PRKN: variants seen among roughly 807,000 people sequenced by gnomAD.
PRKN encodes the protein E3 ubiquitin-protein ligase parkin.
Under a neutral mutation model 59.5 loss-of-function variants are expected in PRKN, and 56 were observed. The observed-to-expected ratio is 0.94, with a 90% CI of 0.76 to 1.18. The LOEUF (loss-of-function observed/expected upper bound fraction) is 1.18, where lower values mean the gene tolerates loss of function less well. Among genes scored for constraint, PRKN ranks in the 50% most tolerant of loss-of-function variants. PRKN has a pLI of 0.00. For synonymous variants in PRKN, 250 were observed against 222.1 expected (o/e 1.13, Z -1.12); for missense variants, 657 against 596.4 (o/e 1.10, Z -1.06).
At chr6:162,511,781 G>A (rs749374926) in intron 1 of PRKN, among the ~76,000 whole-genome samples, 20 of 152,092 alleles carry the variant, frequency 1.3e-4, no homozygotes, top group Non-Finnish European at 2.6e-4. Flanking sequence ...CCCATGATAC[G>A]TGATCTACAG....
intron 4 of PRKN, among the ~76,000 whole-genome samples, chr6:162,191,774 C>A (rs1015152915): frequency 2.0e-5 from 3 of 152,106 alleles, no homozygotes; most frequent in Non-Finnish European, 4.4e-5. Context: ...AAGAGACAGG[C>A]ACTGCTGTGT....
chr6:162,385,499 C>T (rs953346064), intron 2 of PRKN, among the ~76,000 whole-genome samples: 1 of 152,210 alleles, frequency 6.6e-6, no homozygotes, highest in East Asian at 1.9e-4. Context: ...TTGATATGTG[C>T]ACTATCCTGA....
chr6:161,536,131 G>T (rs368282590), intron 9 of PRKN, among the ~76,000 whole-genome samples: 15 of 152,130 alleles, frequency 9.9e-5, no homozygotes, highest in Admixed American at 2.0e-4. Context: ...ATTATTAAGA[G>T]AAATAAATGC....
chr6:161,797,304 T>C (rs1790891523), intron 6 of PRKN, among the ~76,000 whole-genome samples: 1 of 152,122 alleles, frequency 6.6e-6, no homozygotes, highest in African/African-American at 2.4e-5. Context: ...CAGGCTGGAG[T>C]GCAGTGGCAC....
chr6:162,212,391 A>G (rs1785241798), intron 3 of PRKN, among the ~76,000 whole-genome samples: 1 of 150,276 alleles, frequency 6.7e-6, no homozygotes, highest in Non-Finnish European at 1.5e-5. Flanking sequence ...AACCCTGTGA[A>G]TGATCAAGTA....
intron 2 of PRKN, among the ~76,000 whole-genome samples, chr6:162,266,770 G>T (rs183586433): frequency 6.6e-6 from 1 of 152,112 alleles, no homozygotes; most frequent in Non-Finnish European, 1.5e-5. Context: ...ATCCCGATCC[G>T]CAATGATACA....
intron 2 of PRKN, among the ~76,000 whole-genome samples, chr6:162,343,118 C>G (rs1784257550): frequency 6.6e-6 from 1 of 152,090 alleles, no homozygotes; most frequent in African/African-American, 2.4e-5. Flanking sequence ...ATAAATATTT[C>G]TCATCAGAAG....
At chr6:161,443,325 A>AG (rs1554261813) in intron 9 of PRKN, among the ~76,000 whole-genome samples, 64 of 150,012 alleles carry the variant, frequency 4.3e-4, no homozygotes, top group African/African-American at 8.4e-4. Flanking sequence ...AAAAAAAAAA[A>AG]AATCAGGGAG....
At chr6:162,578,343 G>A (rs936823086) in intron 1 of PRKN, among the ~76,000 whole-genome samples, 2 of 152,132 alleles carry the variant, frequency 1.3e-5, no homozygotes, top group African/African-American at 4.8e-5. Context: ...AAAAGGTTAT[G>A]TGTGTGCATA....
chr6:161,953,992 T>G (rs1204731732), intron 6 of PRKN, among the ~76,000 whole-genome samples: 1 of 152,118 alleles, frequency 6.6e-6, no homozygotes, highest in Non-Finnish European at 1.5e-5. Context: ...TAAGTCTTGG[T>G]GACTTACGTG....
chr6:161,994,370 C>T (rs1162102172), intron 5 of PRKN, among the ~76,000 whole-genome samples: 1 of 151,960 alleles, frequency 6.6e-6, no homozygotes, highest in East Asian at 1.9e-4. Flanking sequence ...AAGGAACATA[C>T]CTAATGGGGA....
chr6:161,586,493 T>G (rs746250930), intron 7 of PRKN, among the ~76,000 whole-genome samples: 9 of 152,322 alleles, frequency 5.9e-5, no homozygotes, highest in Non-Finnish European at 1.0e-4. Context: ...TGCCAACACC[T>G]TAAGCTCCGT....
At chr6:161,911,318 A>T (rs1320790781) in intron 6 of PRKN, among the ~76,000 whole-genome samples, 1 of 152,148 alleles carries the variant, frequency 6.6e-6, no homozygotes, top group Non-Finnish European at 1.5e-5. Flanking sequence ...GGAATGACTT[A>T]CAGTTCAGCC....
rs139754058 is a variant in PRKN at position 162,507,768 on chromosome 6, C to T, written c.8-64295G>A. Among the ~76,000 whole-genome samples, 525 of 152,280 alleles carry T rather than the reference C, an allele frequency of 3.4e-3. 3 individuals are homozygous for T. Among genetic ancestry groups the T allele is most frequent in the African/African-American group, 0.012 (499 of 41,552 alleles). On this transcript the variant is annotated intron_variant, in intron 1 of 11. Transcript: ENST00000366898. The stretch of plus-strand genomic sequence containing the variant: ...TGTTGGAGTGTGAGCTTCAACAAGA[C>T]GAAGATCACCTCTATCTACTTTATT...
intron 6 of PRKN, among the ~76,000 whole-genome samples, chr6:161,899,398 A>T (rs1444395549): frequency 6.6e-6 from 1 of 152,162 alleles, no homozygotes; most frequent in Non-Finnish European, 1.5e-5. Context: ...CATCACTCTG[A>T]GGGAAGTCTT....
chr6:162,667,777 A>C (rs1447979732), intron 1 of PRKN, among the ~76,000 whole-genome samples: 1 of 152,146 alleles, frequency 6.6e-6, no homozygotes. Flanking sequence ...CTGAGTAAAA[A>C]TAGGCAAATT....
chr6:161,972,186 A>C (rs2128251599), intron 6 of PRKN, among the ~76,000 whole-genome samples: 1 of 151,662 alleles, frequency 6.6e-6, no homozygotes, highest in African/African-American at 2.4e-5. Context: ...AGGCAGGAGA[A>C]TCCCTTGAAC....
intron 2 of PRKN, among the ~76,000 whole-genome samples, chr6:162,407,773 A>C (rs754218456): frequency 3.9e-5 from 6 of 152,170 alleles, no homozygotes; most frequent in Non-Finnish European, 7.4e-5. Context: ...AAAATTACTC[A>C]AAATGTGAAA....
Position 161,998,432 on chromosome 6 carries a change from A to C in PRKN, c.619-25015T>G, listed in dbSNP as rs1400571811. On this transcript the variant is annotated intron_variant, in intron 5 of 11. Coordinates refer to ENST00000366898, the MANE Select transcript of PRKN (RefSeq NM_004562.3). Reference sequence around the variant, plus strand: ...ACAATCTATTAACTACACATATGAAAACCCCCATATATTTGCATGTAAATA... The same window carrying C: ...ACAATCTATTAACTACACATATGAACACCCCCATATATTTGCATGTAAATA... 3.3e-5 allele frequency among the ~76,000 whole-genome samples: 5 copies of C among 152,218 alleles called. No individual in the cohort carries two copies. The East Asian group carries it at 9.6e-4, about 29-fold the overall frequency.
Sources: gnomAD v4.1 joint callset for allele counts (sites outside exome capture counted in the v4.1 genomes callset) on GRCh38, gnomAD v4.1.1 for gene constraint, MANE v1.5 for transcripts, NCBI Gene and HGNC (gene_info 2026-07-23, HGNC 2026-07-21) for gene names.